The following ZGPAT variants were observed in gnomAD, a reference collection of about 807,000 sequenced individuals.
The protein encoded by ZGPAT is zinc finger CCCH-type with G patch domain-containing protein.
Under a neutral mutation model 47.9 loss-of-function variants are expected in ZGPAT, and 39 were observed. The ratio of observed to expected loss-of-function variants is 0.81; its 90% CI spans 0.63 to 1.06. The LOEUF is 1.06. Among genes scored for constraint, ZGPAT ranks in the 50% least tolerant of loss-of-function variants. ZGPAT has a pLI of 0.00. For synonymous variants in ZGPAT, 348 were observed against 292.9 expected (o/e 1.19, Z -1.92); for missense variants, 717 against 681.4 (o/e 1.05, Z -0.58).
At chr20:63,709,229 C>A in intron 2 of ZGPAT, 65 bp downstream of exon 2, 1 of 1,562,588 alleles carries the variant, frequency 6.4e-7, no homozygotes, top group Non-Finnish European at 8.7e-7. Flanking sequence ...AGGGTCGGGT[C>A]AGGATCGGCC....
intron 2 of ZGPAT, among the ~76,000 whole-genome samples, chr20:63,732,467 ATG>A (rs1568799759): frequency 2.4e-5 from 2 of 83,140 alleles, no homozygotes; most frequent in Admixed American, 1.3e-4. Context: ...TTGTGTGCGC[ATG>A]TGTGTGGGTG....
Position 63,730,588 on chromosome 20 carries a change from G to A in ZGPAT, c.585-2631G>A, listed in dbSNP as rs545585337. Among the ~76,000 whole-genome samples the A allele has an allele frequency of 3.3e-5, 5 of 152,260 alleles. No individual in the cohort carries two copies. In the South Asian group the frequency reaches 1.0e-3, roughly 32 times the overall value. On this transcript the variant is annotated intron_variant, in intron 2 of 6. Coordinates refer to ENST00000355969, the MANE Select transcript of ZGPAT (RefSeq NM_181485.3). Reference sequence around the variant, plus strand: ...CAACCTCCGCCTCCCGGGTTCAAGCGATTCTTGTGCCTCAGCCTCCCGAGT... The same window carrying A: ...CAACCTCCGCCTCCCGGGTTCAAGCAATTCTTGTGCCTCAGCCTCCCGAGT...
chr20:63,716,924 C>T (rs890901457), intron 2 of ZGPAT, among the ~76,000 whole-genome samples: 10 of 152,264 alleles, frequency 6.6e-5, no homozygotes, highest in East Asian at 3.9e-4. Flanking sequence ...TGAGGTGATC[C>T]GCCCACCTTG....
At chr20:63,719,549 C>T (rs1217117172) in intron 2 of ZGPAT, among the ~76,000 whole-genome samples, 1 of 151,920 alleles carries the variant, frequency 6.6e-6, no homozygotes, top group Non-Finnish European at 1.5e-5. Context: ...CTCAAATCTG[C>T]TGTTGAAACT....
intron 2 of ZGPAT, among the ~76,000 whole-genome samples, chr20:63,727,836 A>G (rs937978033): frequency 2.6e-5 from 4 of 152,002 alleles, no homozygotes; most frequent in Non-Finnish European, 5.9e-5. Context: ...TTTCCTAAAT[A>G]TGGATCATGG....
At chr20:63,721,351 C>CCTTTTTTTTTTTTTTTTT (rs2091785580) in intron 2 of ZGPAT, among the ~76,000 whole-genome samples, 1 of 134,662 alleles carries the variant, frequency 7.4e-6, no homozygotes. Context: ...GACTCTGTCT[C>CCTTTTTTTTTTTTTTTTT]AAATAAAAAA....
rs192044522 is a variant in ZGPAT at position 63,713,826 on chromosome 20, G to A, written c.584+4662G>A. On this transcript the variant is annotated intron_variant, in intron 2 of 6. Transcript: ENST00000355969. ...GCGGAGGTTGCAGTGAGCTGAGATC[G>A]CGCCATTGCACTCCAGCTTGGGGAA... Among the ~76,000 whole-genome samples, 703 of 147,910 alleles carry A rather than the reference G, an allele frequency of 4.8e-3. 7 individuals are homozygous for A. Among genetic ancestry groups the A allele is most frequent in the Admixed American group, 5.4e-3 (81 of 14,960 alleles).
chr20:63,735,201 C>A lies in ZGPAT; in HGVS notation c.1034C>A (p.Ala345Asp). ...GAAGGCCGGGTGGAGCCCATCCATG[C>A]TGTGGTGTTGCCTCGAGGGAAGTCG... ...HAEGRVEPIH[A>D]VVLPRGKSLD... Residue 345 changes from alanine to aspartate, a missense_variant, in exon 6 of 7, where the codon GCT becomes GAT. Physicochemically the swap from Ala to Asp is moderately radical, Grantham distance 126 (BLOSUM62 -2). Coordinates refer to ENST00000355969, the MANE Select transcript of ZGPAT (RefSeq NM_181485.3). 6.4e-7 allele frequency: 1 copy of A among 1,553,852 alleles called. No individual in the cohort carries two copies. The highest frequency in any genetic ancestry group is 1.2e-5 in the South Asian group (1 of 82,224).
chr20:63,734,258 G>T, intron 4 of ZGPAT: 1 of 252,926 alleles, frequency 4.0e-6, no homozygotes. Flanking sequence ...CAAGCATGGC[G>T]GGCTGAGTCC....
chr20:63,728,471 T>G (rs1402829659), intron 2 of ZGPAT, among the ~76,000 whole-genome samples: 1 of 152,172 alleles, frequency 6.6e-6, no homozygotes, highest in East Asian at 1.9e-4. Flanking sequence ...CACCATGTGG[T>G]TTCAGAGCAC....
Position 63,709,105 on chromosome 20 carries a change from G to C in ZGPAT, c.525G>C (p.Lys175Asn), listed in dbSNP as rs757973946. 2 of 1,613,272 alleles carry C rather than the reference G, an allele frequency of 1.2e-6. No homozygotes were observed. Among genetic ancestry groups the C allele is most frequent in the Admixed American group, 1.7e-5 (1 of 60,014 alleles). The change falls in exon 2 of 7, where the codon AAG becomes AAC. Residue 175 changes from lysine to asparagine, a missense_variant. Transcript: ENST00000355969. ...TGCTTTACCTGTACCCCACTCACAA[G>C]TCTCTGAAGCCGTGCCCGTTCTTCC... ...VRVLYLYPTH[K>N]SLKPCPFFLE... is the part of the protein sequence containing the mutation.
intron 2 of ZGPAT, among the ~76,000 whole-genome samples, chr20:63,711,831 C>T (rs752812083): frequency 2.0e-5 from 3 of 152,062 alleles, no homozygotes; most frequent in East Asian, 1.9e-4. Context: ...CAGGTGATCC[C>T]GCCTTGGTTT....
chr20:63,710,716 C>T (rs1349278704), intron 2 of ZGPAT, among the ~76,000 whole-genome samples: 3 of 152,032 alleles, frequency 2.0e-5, no homozygotes, highest in Non-Finnish European at 4.4e-5. Context: ...TCTAATCTAA[C>T]TGATTAGGAA....
At chr20:63,720,106 C>T (rs1042728846) in intron 2 of ZGPAT, among the ~76,000 whole-genome samples, 5 of 151,486 alleles carry the variant, frequency 3.3e-5, no homozygotes, top group Non-Finnish European at 5.9e-5. Context: ...AATGTCTAGG[C>T]TTCCTCAGGA....
At chr20:63,722,882 T>C (rs2091802641) in intron 2 of ZGPAT, among the ~76,000 whole-genome samples, 1 of 152,142 alleles carries the variant, frequency 6.6e-6, no homozygotes, top group Admixed American at 6.6e-5. Context: ...CCGCCCATCT[T>C]GGCCTCCCAA....
At chr20:63,725,110 G>A (rs989951347) in intron 2 of ZGPAT, among the ~76,000 whole-genome samples, 8 of 149,942 alleles carry the variant, frequency 5.3e-5, no homozygotes, top group Non-Finnish European at 3.0e-5. Context: ...TCAGCCTCCC[G>A]AGTAGCTGGG....
chr20:63,715,455 G>C lies in ZGPAT; in HGVS notation c.584+6291G>C, dbSNP rs1356842990. The stretch of plus-strand genomic sequence containing the variant: ...GGTGTTTTGCCATGTTGGACAGGCT[G>C]GTCTTGCACTCCTGACCTCGTGATT... On this transcript the variant is annotated intron_variant, in intron 2 of 6. Transcript: ENST00000355969. Among the ~76,000 whole-genome samples the C allele has an allele frequency of 2.6e-5, 4 of 151,904 alleles. No individual in the cohort carries two copies. In the East Asian group the frequency reaches 7.7e-4, roughly 29 times the overall value.
In ZGPAT at chr20:63,709,222, G is replaced by GTCGGGTCAGGA. The variant is rs2091623738; in HGVS notation, c.584+63_584+73dup. ...GGGGCGTAAGGGGCACGCACACAGG[G>GTCGGGTCAGGA]TCGGGTCAGGATCGGCCCTCCCTTT... On this transcript the variant is annotated intron_variant, in intron 2 of 6. Transcript: ENST00000355969. 4.4e-6 allele frequency: 7 copies of GTCGGGTCAGGA among 1,585,140 alleles called. No homozygotes were observed. In the South Asian group the frequency reaches 7.7e-5, roughly 17 times the overall value.
At chr20:63,715,159 T>C (rs984422317) in intron 2 of ZGPAT, among the ~76,000 whole-genome samples, 5 of 152,016 alleles carry the variant, frequency 3.3e-5, no homozygotes, top group Non-Finnish European at 7.4e-5. Flanking sequence ...CTCAAACTCC[T>C]GGGCTAAAGT....
Sources: allele counts gnomAD v4.1 joint callset (sites outside exome capture counted in the v4.1 genomes callset), GRCh38; gene constraint gnomAD v4.1.1; transcripts MANE v1.5; gene names NCBI Gene and HGNC (gene_info 2026-07-23, HGNC 2026-07-21).